OR2L5: variants seen among roughly 807,000 people sequenced by gnomAD.
OR2L5 encodes the protein olfactory receptor 2L5.
For missense variants in OR2L5, 413 were observed against 381.6 expected, an observed-to-expected ratio of 1.08 and a Z score of -0.69; for synonymous variants, 169 against 142.0, an observed-to-expected ratio of 1.19 and a Z score of -1.35.
chr1:248,014,805 TA>T (rs1662150559), intron 1 of OR2L5, among the ~76,000 whole-genome samples: 1 of 152,194 alleles, frequency 6.6e-6, no homozygotes, highest in South Asian at 2.1e-4. Flanking sequence ...GTTGTAATTA[TA>T]AAATACAGGG....
intron 1 of OR2L5, among the ~76,000 whole-genome samples, chr1:248,018,524 A>C (rs1662261251): frequency 6.6e-6 from 1 of 152,194 alleles, no homozygotes; most frequent in South Asian, 2.1e-4. Context: ...ACAAATTACC[A>C]GAGGTCATAA....
At position 248,022,609 on chromosome 1, in the gene OR2L5, T is replaced by C. The variant is rs778517067; in HGVS notation, c.662T>C (p.Leu221Pro). The change falls in exon 2 of 2, where the codon CTC (leucine) becomes CCC (proline). Residue 221 changes from leucine to proline, a missense_variant. Coordinates refer to ENST00000355281, the MANE Select transcript of OR2L5 (RefSeq NM_001258284.2). Reference protein sequence around the residue: ...TGIACSYGWVLLAVYRMHSAE... With the variant: ...TGIACSYGWVPLAVYRMHSAE... ...ATTGCGTGTTCCTATGGCTGGGTTC[T>C]CCTTGCTGTCTACCGCATGCACTCT... 1 of 1,614,174 alleles carries C rather than the reference T, an allele frequency of 6.2e-7. No individual in the cohort carries two copies. The highest frequency in any genetic ancestry group is 1.1e-5 in the South Asian group (1 of 91,086).
At position 248,019,048 on chromosome 1, in the gene OR2L5, G is replaced by A. The variant is rs527411203; in HGVS notation, c.-21-2879G>A. ...ATTTTTTATTGATTTCTCTGTGGAC[G>A]GACACTTGTTTCTGCCTTTGGGGTA... On this transcript the variant is annotated intron_variant, in intron 1 of 1. Transcript: ENST00000355281. Among the ~76,000 whole-genome samples, 9 of 152,068 alleles carry A rather than the reference G, an allele frequency of 5.9e-5. No homozygotes were observed. The East Asian group carries it at 7.7e-4, about 13-fold the overall frequency.
intron 1 of OR2L5, among the ~76,000 whole-genome samples, chr1:248,019,433 C>T (rs1445026224): frequency 1.3e-5 from 2 of 152,104 alleles, no homozygotes; most frequent in Non-Finnish European, 1.5e-5. Flanking sequence ...AATCGAGAAG[C>T]CTCTCAATCA....
chr1:248,019,944 C>G (rs1363520175), intron 1 of OR2L5, among the ~76,000 whole-genome samples: 9 of 152,066 alleles, frequency 5.9e-5, no homozygotes, highest in Non-Finnish European at 4.4e-5. Flanking sequence ...CGAGCCACCA[C>G]CCCTGGCTAA....
At chr1:248,016,671 G>T (rs1315701358) in intron 1 of OR2L5, among the ~76,000 whole-genome samples, 2 of 151,662 alleles carry the variant, frequency 1.3e-5, no homozygotes, top group Admixed American at 1.3e-4. Context: ...AAAATATTTG[G>T]ATAAACTAGA....
At chr1:248,014,720 A>G (rs1662148497) in intron 1 of OR2L5, among the ~76,000 whole-genome samples, 1 of 152,136 alleles carries the variant, frequency 6.6e-6, no homozygotes, top group Non-Finnish European at 1.5e-5. Flanking sequence ...ATTCTCTTCA[A>G]TGATACACCC....
At chr1:248,020,820 A>G (rs1461114739) in intron 1 of OR2L5, among the ~76,000 whole-genome samples, 1 of 151,382 alleles carries the variant, frequency 6.6e-6, no homozygotes, top group Non-Finnish European at 1.5e-5. Flanking sequence ...ATTTTTTATT[A>G]TACTTTAACT....
chr1:248,015,676 A>G (rs1282811409), intron 1 of OR2L5, among the ~76,000 whole-genome samples: 1 of 152,176 alleles, frequency 6.6e-6, no homozygotes, highest in Non-Finnish European at 1.5e-5. Context: ...AAAATCTGGT[A>G]AAGTGTGGCT....
In OR2L5 at chr1:248,022,386, T is replaced by C; in HGVS notation, c.439T>C (p.Ser147Pro). 6.2e-7 allele frequency: 1 copy of C among 1,614,136 alleles called. No homozygotes were observed. Among genetic ancestry groups the C allele is most frequent in the Non-Finnish European group, 8.5e-7 (1 of 1,180,010 alleles). ...KRMYVLMITG[S>P]WMIGSINSCA... ...AATGTATGTGCTGATGATAACAGGATCTTGGATGATAGGCTCCATCAACTC... is the reference window on the plus strand; with the variant it reads ...AATGTATGTGCTGATGATAACAGGACCTTGGATGATAGGCTCCATCAACTC... Residue 147 changes from serine to proline, a missense_variant, in exon 2 of 2, where the codon TCT becomes CCT. Physicochemically the swap from Ser to Pro is moderately conservative, Grantham distance 74 (BLOSUM62 -1). Transcript: ENST00000355281.
intron 1 of OR2L5, among the ~76,000 whole-genome samples, chr1:248,018,263 G>A (rs906499609): frequency 6.6e-6 from 1 of 151,984 alleles, no homozygotes. Flanking sequence ...TCTGTCCTAT[G>A]TTACTTTTCC....
At chr1:248,015,035 TATCTATG>T (rs766792005) in intron 1 of OR2L5, among the ~76,000 whole-genome samples, 11 of 152,172 alleles carry the variant, frequency 7.2e-5, no homozygotes, top group Non-Finnish European at 1.3e-4. Flanking sequence ...CCTATGTATC[TATCTATG>T]AGAGCTGATG....
At position 248,022,761 on chromosome 1, in the gene OR2L5, GT is replaced by G. The variant is rs1662376979; in HGVS notation, c.816del (p.Leu273TrpfsTer19). On this transcript the variant is annotated frameshift_variant, in exon 2 of 2. Transcript: ENST00000355281. LOFTEE classifies it low-confidence loss of function (END_TRUNC). ...RSLRSLTEDKVLAVFYTILTP... is the reference protein window; with the variant it reads ...RSLRSLTEDKXLAVFYTILTP... The stretch of plus-strand genomic sequence containing the variant: ...CCTGCGATCTCTGACAGAGGACAAG[GT>G]TCTGGCTGTTTTCTACACCATCCTC... 6.2e-7 allele frequency: 1 copy of G among 1,613,804 alleles called. No individual in the cohort carries two copies. Among genetic ancestry groups the G allele is most frequent in the Admixed American group, 1.7e-5 (1 of 59,952 alleles).
At chr1:248,018,042 C>T (rs892242854) in intron 1 of OR2L5, among the ~76,000 whole-genome samples, 2 of 151,788 alleles carry the variant, frequency 1.3e-5, no homozygotes, top group African/African-American at 4.9e-5. Flanking sequence ...GTAATCCCAG[C>T]TACTTGGGAG....
At chr1:248,020,761 A>AT (rs536103027) in intron 1 of OR2L5, among the ~76,000 whole-genome samples, 3 of 152,000 alleles carry the variant, frequency 2.0e-5, no homozygotes, top group South Asian at 2.1e-4. Context: ...TGGAATTATT[A>AT]TTTTTTTATA....
rs987597826 is a variant in OR2L5 at position 248,022,016 on chromosome 1, C to A, written c.69C>A (p.Gly23=). 6.2e-7 allele frequency: 1 copy of A among 1,613,794 alleles called. No homozygotes were observed. Among genetic ancestry groups the A allele is most frequent in the African/African-American group, 1.3e-5 (1 of 74,898 alleles). ...LLGLFPPSKI[G]LFLFILFVLI... ...GGCTGTTCCCACCATCAAAAATTGG[C>A]CTTTTCCTCTTCATTCTCTTTGTTC... The change falls in exon 2 of 2, where the codon GGC becomes GGA. Residue 23 remains glycine, a synonymous_variant. Transcript: ENST00000355281.
intron 1 of OR2L5, among the ~76,000 whole-genome samples, chr1:248,020,802 ATTATT>A (rs998954181): frequency 6.6e-6 from 1 of 151,598 alleles, no homozygotes; most frequent in South Asian, 2.1e-4. Context: ...TCATTTTATT[ATTATT>A]TTATTTTTTA....
chr1:248,017,463 G>A (rs1160154771), intron 1 of OR2L5, among the ~76,000 whole-genome samples: 2 of 152,152 alleles, frequency 1.3e-5, no homozygotes, highest in African/African-American at 4.8e-5. Flanking sequence ...CACAAAATAC[G>A]TCTCCTGCCA....
chr1:248,014,362 A>T (rs1432269776), intron 1 of OR2L5, among the ~76,000 whole-genome samples: 1 of 152,152 alleles, frequency 6.6e-6, no homozygotes, highest in Non-Finnish European at 1.5e-5. Context: ...CTGGCAATAA[A>T]TAATTAAGGA....
Sources: allele counts gnomAD v4.1 joint callset (sites outside exome capture counted in the v4.1 genomes callset), GRCh38; gene constraint gnomAD v4.1.1; transcripts MANE v1.5; gene names NCBI Gene and HGNC (gene_info 2026-07-23, HGNC 2026-07-21).